Variants in SH3TC2 observed in about 807,000 individuals in gnomAD.
SH3TC2 encodes the protein SH3 domain and tetratricopeptide repeat-containing protein 2.
SH3TC2 carries 87 observed loss-of-function variants against 124.5 expected under a neutral mutation model. That is an observed-to-expected ratio of 0.70 (90% confidence interval 0.59 to 0.84). The LOEUF is 0.84. Among genes scored for constraint, SH3TC2 ranks in the 40% least tolerant of loss-of-function variants. The probability of loss-of-function intolerance (pLI) is 0.00; values close to 1 mark genes in which losing one functional copy is unlikely to be tolerated. For synonymous variants in SH3TC2, 634 were observed against 628.5 expected (o/e 1.01, Z -0.13); for missense variants, 1,536 against 1,566.4 (o/e 0.98, Z 0.33).
chr5:149,053,850 A>T (rs1399297277), intron 1 of SH3TC2, among the ~76,000 whole-genome samples: 1 of 152,048 alleles, frequency 6.6e-6, no homozygotes, highest in Admixed American at 6.6e-5. Flanking sequence ...AAACAATTGG[A>T]CTCATGAAGA....
chr5:149,039,692 A>T (rs991535961), intron 7 of SH3TC2, among the ~76,000 whole-genome samples: 3 of 152,184 alleles, frequency 2.0e-5, no homozygotes, highest in Non-Finnish European at 2.9e-5. Context: ...CATTTTACTA[A>T]TGAGGAAGTT....
intron 1 of SH3TC2, among the ~76,000 whole-genome samples, chr5:149,053,906 G>A (rs761436284): frequency 1.6e-4 from 24 of 152,180 alleles, no homozygotes; most frequent in African/African-American, 5.3e-4. Flanking sequence ...GGGTGTGTGC[G>A]CTAGGGAGAA....
Position 149,028,538 on chromosome 5 carries a change from A to G in SH3TC2, c.1194T>C (p.Gly398=), listed in dbSNP as rs1432793. The G allele has an allele frequency of 0.45, 732,057 of 1,613,636 alleles. 169,019 individuals carry two copies. Among genetic ancestry groups the G allele is most frequent in the African/African-American group, 0.57 (42,942 of 74,926 alleles). ...PNDLSASQPE[G]FKEVRPGRAW... ...CTCTGCCAGGCCTGACCTCCTTGAA[A>G]CCTTCAGGCTGGGATGCTGTAAGGA... Residue 398 remains glycine (G), a synonymous_variant, in exon 11 of 17, where the codon GGT becomes GGC. Transcript: ENST00000515425.
chr5:149,029,081 C>T (rs528183514), intron 9 of SH3TC2, among the ~76,000 whole-genome samples: 1 of 152,234 alleles, frequency 6.6e-6, no homozygotes, highest in Non-Finnish European at 1.5e-5. Context: ...ATGCAGCTCC[C>T]AAATCTCTCA....
chr5:149,008,489 T>C (rs1261567298), intron 15 of SH3TC2: 3 of 340,448 alleles, frequency 8.8e-6, no homozygotes, highest in Non-Finnish European at 1.7e-5. Context: ...GAGAATAAAA[T>C]ATCATTTACT....
At position 148,998,583 on chromosome 5, in the gene SH3TC2, G is replaced by A. The variant is rs1040686452; in HGVS notation, c.*6128C>T. Among the ~76,000 whole-genome samples the A allele has an allele frequency of 2.0e-5, 3 of 152,190 alleles. No homozygotes were observed. The highest frequency in any genetic ancestry group is 7.2e-5 in the African/African-American group (3 of 41,424). On this transcript the variant is annotated 3_prime_UTR_variant, in exon 17 of 17. Transcript: ENST00000515425. The stretch of plus-strand genomic sequence containing the variant: ...CCTTTGAAATCGTTTTGAAAGCACA[G>A]CATCCTTCCCTCTCACCTGCCTCGC...
At chr5:149,052,758 T>C (rs1754579679) in intron 1 of SH3TC2, among the ~76,000 whole-genome samples, 1 of 152,078 alleles carries the variant, frequency 6.6e-6, no homozygotes, top group Non-Finnish European at 1.5e-5. Flanking sequence ...CTCTGAAAAG[T>C]TACTGTCTTC....
In SH3TC2 at chr5:149,004,575, A is replaced by G; in HGVS notation, c.*136T>C. On this transcript the variant is annotated 3_prime_UTR_variant, in exon 17 of 17. Coordinates refer to ENST00000515425, the MANE Select transcript of SH3TC2 (RefSeq NM_024577.4). ...CTGCAATGAGCCCTTCTCCTCCTGG[A>G]CTTCATTCTTCTTCTTGTGAAATGA... 1 of 881,860 alleles carries G rather than the reference A, an allele frequency of 1.1e-6. No individual in the cohort carries two copies. The highest frequency in any genetic ancestry group is 1.7e-6 in the Non-Finnish European group (1 of 578,664). 54.6% of individuals were successfully genotyped at this position (881,860 alleles called of 1,614,324 possible). A position where few individuals can be genotyped will look rare whatever the true frequency, so the allele number is the denominator to read the frequency against.
chr5:149,062,524 C>T, intron 1 of SH3TC2: 1 of 431,882 alleles, frequency 2.3e-6, no homozygotes, highest in Non-Finnish European at 4.5e-6. Flanking sequence ...TAGGTGGAGG[C>T]AGGAAACTGC....
In SH3TC2 at chr5:149,041,568, C is replaced by T. The variant is rs752087220; in HGVS notation, c.579G>A (p.Lys193=). 3.7e-6 allele frequency: 6 copies of T among 1,614,112 alleles called. No homozygotes were observed. Among genetic ancestry groups the T allele is most frequent in the East Asian group, 4.5e-5 (2 of 44,900 alleles). The change falls in exon 6 of 17, where the codon AAG becomes AAA. Residue 193 remains lysine (K), a synonymous_variant. Transcript: ENST00000515425. The part of the protein sequence containing the change: ...ALCSVTPPAE[K]EGECLTLCKN... ...TGCAAAGTGTCAAGCATTCCCCTTC[C>T]TTCTCGGCTGGTGGAGTCACGGAGC... is the stretch of plus-strand genomic sequence containing the variant.
At chr5:149,035,768 G>A (rs953415595) in intron 8 of SH3TC2, 3 of 152,196 alleles carry the variant, frequency 2.0e-5, no homozygotes, top group Non-Finnish European at 2.9e-5. Flanking sequence ...ACACAGCACA[G>A]AGGACGCTGC....
At chr5:149,055,541 A>G (rs1050798818) in intron 1 of SH3TC2, among the ~76,000 whole-genome samples, 3 of 152,220 alleles carry the variant, frequency 2.0e-5, no homozygotes, top group Non-Finnish European at 4.4e-5. Flanking sequence ...GATATAGAGC[A>G]AGTAGAATAC....
chr5:149,031,174 C>T (rs1481719579), intron 9 of SH3TC2, among the ~76,000 whole-genome samples: 1 of 152,140 alleles, frequency 6.6e-6, no homozygotes, highest in African/African-American at 2.4e-5. Context: ...TCTCTTAAGG[C>T]CTTTTCACAG....
intron 7 of SH3TC2, among the ~76,000 whole-genome samples, chr5:149,040,096 TTG>T (rs761154028): frequency 3.8e-4 from 58 of 151,778 alleles, no homozygotes; most frequent in South Asian, 4.2e-4. Flanking sequence ...ATTACTTAAA[TTG>T]TGTGTGTGTG....
At chr5:149,005,832 T>C (rs1753678720) in intron 16 of SH3TC2, among the ~76,000 whole-genome samples, 1 of 152,146 alleles carries the variant, frequency 6.6e-6, no homozygotes, top group Non-Finnish European at 1.5e-5. Flanking sequence ...GAAGCCACTA[T>C]ATTAAGAGAT....
rs1272764319 is a variant in SH3TC2, at chr5:149,027,360, C to T, written c.2372G>A (p.Gly791Asp). 6.2e-7 allele frequency: 1 copy of T among 1,614,068 alleles called. No individual in the cohort carries two copies. The highest frequency in any genetic ancestry group is 8.5e-7 in the Non-Finnish European group (1 of 1,180,000). Reference protein sequence around the residue: ...SQALVLGQLLGEQESFESSLC... With the variant: ...SQALVLGQLLDEQESFESSLC... ...AGAAGACTCAAAGGATTCCTGCTCA[C>T]CCAGCAGCTGCCCTAGCACCAAGGC... The change falls in exon 11 of 17, where the codon GGT (glycine) becomes GAT (aspartate). Residue 791 changes from glycine to aspartate, a missense_variant. Gly to Asp is a moderately conservative substitution (Grantham distance 94). Coordinates refer to ENST00000515425, the MANE Select transcript of SH3TC2 (RefSeq NM_024577.4).
intron 12 of SH3TC2, among the ~76,000 whole-genome samples, chr5:149,023,493 TTAAG>T (rs1754010297): frequency 6.6e-6 from 1 of 152,126 alleles, no homozygotes; most frequent in African/African-American, 2.4e-5. Flanking sequence ...TTAAAAATCT[TTAAG>T]TAGTTACTTC....
intron 1 of SH3TC2, among the ~76,000 whole-genome samples, chr5:149,053,597 C>A (rs1754592729): frequency 6.6e-6 from 1 of 152,172 alleles, no homozygotes; most frequent in Non-Finnish European, 1.5e-5. Flanking sequence ...AAAGCAACTG[C>A]AGCAAAAAGG....
In SH3TC2 at chr5:149,031,727, G is replaced by A. The variant is rs376829311; in HGVS notation, c.1002-40C>T. ...AAAACACAGAGACAGATTACTGCAAGGCTTCAGACTCCATCTCCTCTTCTC... is the reference window on the plus strand; with the variant it reads ...AAAACACAGAGACAGATTACTGCAAAGCTTCAGACTCCATCTCCTCTTCTC... On this transcript the variant is annotated intron_variant, in intron 8 of 16. Transcript: ENST00000515425. 3.0e-5 allele frequency: 48 copies of A among 1,612,370 alleles called. No homozygotes were observed. In the African/African-American group the frequency reaches 5.7e-4, roughly 19 times the overall value.
Sources: gnomAD v4.1 joint callset for allele counts (sites outside exome capture counted in the v4.1 genomes callset) on GRCh38, gnomAD v4.1.1 for gene constraint, MANE v1.5 for transcripts, NCBI Gene and HGNC (gene_info 2026-07-23, HGNC 2026-07-21) for gene names.